GLOD4: variants seen among roughly 807,000 people sequenced by gnomAD.
GLOD4 encodes the protein glyoxalase domain containing 4.
In GLOD4, 44 loss-of-function variants were observed where a neutral mutation model predicts 39.1. The observed-to-expected ratio is 1.13, with a 90% CI of 0.88 to 1.45. The LOEUF is 1.45. GLOD4 is among the 40% of genes most tolerant of loss of function. The pLI is 0.00. For synonymous variants in GLOD4, 145 were observed against 135.0 expected (o/e 1.07, Z -0.52); for missense variants, 405 against 366.4 (o/e 1.11, Z -0.86).
intron 8 of GLOD4, among the ~76,000 whole-genome samples, chr17:768,774 T>G (rs639041): frequency 6.2e-4 from 13 of 20,916 alleles, no homozygotes; most frequent in Non-Finnish European, 6.0e-4. Context: ...CTGGAGAGGA[T>G]GTGAGAGAGA....
At chr17:777,074 GA>G (rs1239704216) in intron 2 of GLOD4, 86 bp from the exon 3 acceptor site, 7 of 1,261,768 alleles carry the variant, frequency 5.5e-6, no homozygotes, top group Non-Finnish European at 8.1e-6. Context: ...ACAGAGAGAT[GA>G]GCATTCCTGT....
At chr17:783,082 G>A (rs1238914115), upstream of GLOD4, 3 of 1,605,844 alleles carry the variant, frequency 1.9e-6, no homozygotes, top group East Asian at 2.2e-5. Flanking sequence ...TCCATCTACA[G>A]CAGTGTAATG....
chr17:772,049 C>T (rs998142802), intron 4 of GLOD4, among the ~76,000 whole-genome samples: 4 of 144,790 alleles, frequency 2.8e-5, no homozygotes, highest in African/African-American at 1.0e-4. Flanking sequence ...ATTAGACAGG[C>T]GTGGTGGCTC....
chr17:783,277 T>A, upstream of GLOD4: 1 of 1,614,032 alleles, frequency 6.2e-7, no homozygotes, highest in Non-Finnish European at 8.5e-7. Flanking sequence ...AAGGTGAAAT[T>A]TGAGGATATC....
chr17:782,478 C>G, upstream of GLOD4: 1 of 1,613,718 alleles, frequency 6.2e-7, no homozygotes, highest in Non-Finnish European at 8.5e-7. Context: ...CCGGGCGCTG[C>G]GGCGGAGCCC....
intron 4 of GLOD4, among the ~76,000 whole-genome samples, chr17:773,745 C>T (rs941359421): frequency 2.8e-4 from 42 of 152,168 alleles, no homozygotes; most frequent in African/African-American, 8.9e-4. Context: ...GGGATTAAGA[C>T]GCTGTTTCTC....
Position 770,474 on chromosome 17 carries a change from C to A in GLOD4, c.577G>T (p.Val193Leu). 6.3e-7 allele frequency: 1 copy of A among 1,593,756 alleles called. No homozygotes were observed. The highest frequency in any genetic ancestry group is 1.1e-5 in the South Asian group (1 of 90,732). ...KLELQGVKGG[V>L]DHAAAFGRIA... ...CTTCCAAAAGCTGCTGCATGGTCCACCCCACCCTTGACGCCCTGTAGCTCC... is the reference window on the plus strand; with the variant it reads ...CTTCCAAAAGCTGCTGCATGGTCCAACCCACCCTTGACGCCCTGTAGCTCC... The change falls in exon 6 of 9, where the codon GTG becomes TTG. Residue 193 changes from valine (V) to leucine (L), a missense_variant. Transcript: ENST00000301329.
intron 4 of GLOD4, among the ~76,000 whole-genome samples, chr17:772,062 G>C (rs1191453113): frequency 6.8e-6 from 1 of 146,632 alleles, no homozygotes; most frequent in African/African-American, 2.5e-5. Flanking sequence ...GGTGGCTCAT[G>C]TGTGTATTCC....
intron 8 of GLOD4, chr17:763,634 T>C (rs1905934393): frequency 6.6e-6 from 1 of 152,212 alleles, no homozygotes. Context: ...AGAGAGTTCA[T>C]CTGGGCCAAG....
chr17:763,810 G>A (rs1567788370), intron 8 of GLOD4: 1 of 152,174 alleles, frequency 6.6e-6, no homozygotes, highest in South Asian at 2.1e-4. Context: ...AGGTTCTCAG[G>A]ATATAACATC....
At chr17:773,767 C>G (rs928470340) in intron 4 of GLOD4, among the ~76,000 whole-genome samples, 1 of 152,124 alleles carries the variant, frequency 6.6e-6, no homozygotes, top group Non-Finnish European at 1.5e-5. Context: ...CAAGTGCCTC[C>G]GCCTGGCAGG....
rs1009037961 is a variant in GLOD4, at chr17:781,960, A to G, written c.90+206T>C. 18 of 558,318 alleles carry G rather than the reference A, an allele frequency of 3.2e-5. No individual in the cohort carries two copies. In the African/African-American group the frequency reaches 3.4e-4, roughly 11 times the overall value. 34.6% of individuals were successfully genotyped at this position (558,318 alleles called of 1,614,324 possible). A position where few individuals can be genotyped will look rare whatever the true frequency, so the allele number is the denominator to read the frequency against. ...GGACGTGCGTGGGCACACCGCGGGG[A>G]CTAATCGTGTTAGGCCCTTCTCCAA... On this transcript the variant is annotated intron_variant, in intron 1 of 8. Transcript: ENST00000301329.
chr17:782,421 T>C, upstream of GLOD4: 1 of 1,613,948 alleles, frequency 6.2e-7, no homozygotes, highest in Non-Finnish European at 8.5e-7. Flanking sequence ...CGTGCGACCG[T>C]TGCTGCAGGT....
Position 770,024 on chromosome 17 carries a change from C to A in GLOD4, c.744+20G>T, listed in dbSNP as rs1567791439. 2 of 1,570,840 alleles carry A rather than the reference C, an allele frequency of 1.3e-6. No individual in the cohort carries two copies. The highest frequency in any genetic ancestry group is 4.5e-5 in the East Asian group (2 of 44,696). On this transcript the variant is annotated intron_variant, in intron 7 of 8. Transcript: ENST00000301329. Reference sequence around the variant, plus strand: ...AAGAAACCCCTGGTCCAGCCTGCCCCCTGCCTGAGAAATACTTACAGGGTC... The same window carrying A: ...AAGAAACCCCTGGTCCAGCCTGCCCACTGCCTGAGAAATACTTACAGGGTC...
chr17:765,006 CA>C (rs1199807153), intron 8 of GLOD4: 8 of 144,326 alleles, frequency 5.5e-5, no homozygotes, highest in African/African-American at 7.6e-5. Context: ...GACTCCGTCT[CA>C]AAAAAAAACA....
At chr17:780,464 C>A (rs181104067) in intron 1 of GLOD4, among the ~76,000 whole-genome samples, 2 of 152,346 alleles carry the variant, frequency 1.3e-5, no homozygotes, top group Non-Finnish European at 2.9e-5. Flanking sequence ...GTGCCATCTC[C>A]GCACTGGCTC....
intron 1 of GLOD4, 96 bp from the exon 2 acceptor site, chr17:778,840 TTA>T (rs755616709): frequency 1.5e-6 from 1 of 688,612 alleles, no homozygotes; most frequent in Non-Finnish European, 2.6e-6. Context: ...ACATTATCAT[TTA>T]TAAGCTTTAC....
Position 770,414 on chromosome 17 carries a change from GCGTTA to G in GLOD4, c.630+2_630+6del. ...GAAAGCTCAAACGATCTGGTATCAA[GCGTTA>G]CCTCTTTCTGGGGGCAAGAGAAGGC... On this transcript the variant is annotated splice_donor_variant and splice_donor_5th_base_variant and intron_variant, in intron 6 of 8. Transcript: ENST00000301329. LOFTEE classifies it high-confidence loss of function. 7.0e-7 allele frequency: 1 copy of G among 1,429,052 alleles called. No homozygotes were observed. Among genetic ancestry groups the G allele is most frequent in the Non-Finnish European group, 9.9e-7 (1 of 1,010,744 alleles). The allele number at this position is 1,429,052 out of a possible 1,614,324, so 88.5% of individuals were successfully genotyped here. A position where few individuals can be genotyped will look rare whatever the true frequency, so the allele number is the denominator to read the frequency against.
At chr17:763,038 G>A (rs1334931249) in intron 8 of GLOD4, among the ~76,000 whole-genome samples, 1 of 152,080 alleles carries the variant, frequency 6.6e-6, no homozygotes, top group African/African-American at 2.4e-5. Flanking sequence ...TTAGCCAGGT[G>A]TGGTGGTGGG....
Sources: gnomAD v4.1 joint callset for allele counts (sites outside exome capture counted in the v4.1 genomes callset) on GRCh38, gnomAD v4.1.1 for gene constraint, MANE v1.5 for transcripts, NCBI Gene and HGNC (gene_info 2026-07-23, HGNC 2026-07-21) for gene names.